MTPN: variants seen among roughly 807,000 people sequenced by gnomAD.
The protein encoded by MTPN is myotrophin.
Under a neutral mutation model 13.5 loss-of-function variants are expected in MTPN, and 2 were observed. The ratio of observed to expected loss-of-function variants is 0.15; its 90% confidence interval spans 0.06 to 0.47. The LOEUF is 0.47. Among genes scored for constraint, MTPN ranks in the 20% least tolerant of loss-of-function variants. The pLI is 0.97. For missense variants in MTPN, 79 were observed against 137.9 expected, an observed-to-expected ratio of 0.57 and a Z score of 2.14; for synonymous variants, 46 against 51.7, an observed-to-expected ratio of 0.89 and a Z score of 0.48.
chr7:135,932,668 G>C (rs1418615347), intron 3 of MTPN: 1 of 151,710 alleles, frequency 6.6e-6, no homozygotes, highest in African/African-American at 2.4e-5. Context: ...TCAGACAAAA[G>C]AAGCCTTAAG....
intron 1 of MTPN, among the ~76,000 whole-genome samples, chr7:135,953,735 G>T (rs1799399100): frequency 6.6e-6 from 1 of 152,082 alleles, no homozygotes; most frequent in Non-Finnish European, 1.5e-5. Context: ...CCAAATTCCA[G>T]CCCACATGTG....
chr7:135,965,166 T>C (rs926465836), intron 1 of MTPN, among the ~76,000 whole-genome samples: 1 of 152,116 alleles, frequency 6.6e-6, no homozygotes, highest in Non-Finnish European at 1.5e-5. Flanking sequence ...ATACAGACAA[T>C]AATACAAACA....
intron 1 of MTPN, among the ~76,000 whole-genome samples, chr7:135,967,469 G>A (rs957005459): frequency 6.6e-6 from 1 of 152,076 alleles, no homozygotes; most frequent in African/African-American, 2.4e-5. Context: ...ATGGTGTAGC[G>A]GAAAACCAAC....
At position 135,972,198 on chromosome 7, in the gene MTPN, TATAA is replaced by T. The variant is rs577069001; in HGVS notation, c.72+4827_72+4830del. Among the ~76,000 whole-genome samples the T allele has an allele frequency of 3.8e-3, 572 of 149,126 alleles. 5 individuals are homozygous for T. Among genetic ancestry groups the T allele is most frequent in the African/African-American group, 0.014 (541 of 39,752 alleles). ...CACTTTTAAAGCAAACTGATATGGT[TATAA>T]ATACACACGCGCACACGCGCACGCG... On this transcript the variant is annotated intron_variant, in intron 1 of 3. Transcript: ENST00000393085.
In MTPN at chr7:135,929,847, T is replaced by C. The variant is rs1157930343; in HGVS notation, c.*79A>G. 2 of 1,347,440 alleles carry C rather than the reference T, an allele frequency of 1.5e-6. No individual in the cohort carries two copies. The highest frequency in any genetic ancestry group is 1.4e-5 in the African/African-American group (1 of 69,744). 83.5% of individuals were successfully genotyped at this position (1,347,440 alleles called of 1,614,324 possible). A position where few individuals can be genotyped will look rare whatever the true frequency, so the allele number is the denominator to read the frequency against. ...GTATTTAGCTGAAGAAGCTGGCAGA[T>C]AGAGAGTGACAGACAGACAGGCAGC... On this transcript the variant is annotated 3_prime_UTR_variant, in exon 4 of 4. Coordinates refer to ENST00000393085, the MANE Select transcript of MTPN (RefSeq NM_145808.4).
At chr7:135,968,029 T>G (rs1799631992) in intron 1 of MTPN, among the ~76,000 whole-genome samples, 1 of 152,108 alleles carries the variant, frequency 6.6e-6, no homozygotes. Context: ...TGGGCTCAAG[T>G]GATAGATCCT....
intron 1 of MTPN, among the ~76,000 whole-genome samples, chr7:135,976,171 A>G (rs1799769910): frequency 6.6e-6 from 1 of 152,214 alleles, no homozygotes; most frequent in African/African-American, 2.4e-5. Flanking sequence ...CTAGCTTGGA[A>G]TTTTAAGTTT....
intron 3 of MTPN, 71 bp from the exon 4 acceptor site, chr7:135,930,083 A>G: frequency 7.7e-7 from 1 of 1,302,932 alleles, no homozygotes; most frequent in Non-Finnish European, 1.1e-6. Context: ...ACTAGCTCAC[A>G]TGGCACAGGT....
chr7:135,948,670 TG>T (rs1360587093), intron 3 of MTPN, among the ~76,000 whole-genome samples: 1 of 152,176 alleles, frequency 6.6e-6, no homozygotes, highest in Non-Finnish European at 1.5e-5. Flanking sequence ...CCTCATGTTT[TG>T]GGAATAAGGA....
rs906562259 is a variant in MTPN, at chr7:135,929,002, A to T, written c.*924T>A. 8 of 167,244 alleles carry T rather than the reference A, an allele frequency of 4.8e-5. No homozygotes were observed. Among genetic ancestry groups the T allele is most frequent in the Non-Finnish European group, 7.3e-5 (5 of 68,124 alleles). The allele number at this position is 167,244 out of a possible 1,614,324, so 10.4% of individuals were successfully genotyped here. On this transcript the variant is annotated 3_prime_UTR_variant, in exon 4 of 4. Transcript: ENST00000393085. ...AAGAATGTTCCTTAATTCTCAACACATAACCAAGGTCAATCCATTCAAACA... is the reference window on the plus strand; with the variant it reads ...AAGAATGTTCCTTAATTCTCAACACTTAACCAAGGTCAATCCATTCAAACA...
rs1210636684 is a variant in MTPN at position 135,953,852 on chromosome 7, AT to A, written c.73-2223del. ...AATCTAAGTTAAGACTACTTCAATA[AT>A]TCAAAGCAATAATTTCTAAATGATT... On this transcript the variant is annotated intron_variant, in intron 1 of 3. Transcript: ENST00000393085. Among the ~76,000 whole-genome samples, 5 of 152,356 alleles carry A rather than the reference AT, an allele frequency of 3.3e-5. No homozygotes were observed. The East Asian group carries it at 9.6e-4, about 29-fold the overall frequency.
At chr7:135,954,724 C>A (rs576008250) in intron 1 of MTPN, among the ~76,000 whole-genome samples, 1 of 152,214 alleles carries the variant, frequency 6.6e-6, no homozygotes, top group South Asian at 2.1e-4. Flanking sequence ...GGGAGGATCA[C>A]GAGGTCAGGA....
rs140181756 is a variant in MTPN, at chr7:135,929,903, G to A, written c.*23C>T. On this transcript the variant is annotated 3_prime_UTR_variant, in exon 4 of 4. Transcript: ENST00000393085. Reference sequence around the variant, plus strand: ...GAGGCCACAGGAGAGTCATTCTTCCGGAGTTATCAGTCCATCCATCCATCA... The same window carrying A: ...GAGGCCACAGGAGAGTCATTCTTCCAGAGTTATCAGTCCATCCATCCATCA... 134 of 1,610,652 alleles carry A rather than the reference G, an allele frequency of 8.3e-5. No individual in the cohort carries two copies. The East Asian group carries it at 1.8e-3, about 22-fold the overall frequency.
chr7:135,943,253 T>C (rs1799241199), intron 3 of MTPN, among the ~76,000 whole-genome samples: 3 of 152,220 alleles, frequency 2.0e-5, no homozygotes, highest in Admixed American at 2.0e-4. Context: ...TAACAAATAG[T>C]AATTCAAGTA....
At chr7:135,972,319 C>T (rs577440351) in intron 1 of MTPN, among the ~76,000 whole-genome samples, 1 of 152,138 alleles carries the variant, frequency 6.6e-6, no homozygotes, top group Non-Finnish European at 1.5e-5. Flanking sequence ...TAGTTTGTGA[C>T]CTTGTCAAGT....
chr7:135,948,287 A>G (rs1268591974), intron 3 of MTPN, among the ~76,000 whole-genome samples: 1 of 152,252 alleles, frequency 6.6e-6, no homozygotes, highest in Non-Finnish European at 1.5e-5. Context: ...TTGAAAAAGC[A>G]GAACTAAAAT....
At chr7:135,963,584 T>C (rs1268072722) in intron 1 of MTPN, among the ~76,000 whole-genome samples, 1 of 152,048 alleles carries the variant, frequency 6.6e-6, no homozygotes, top group African/African-American at 2.4e-5. Flanking sequence ...GACGAAAGTA[T>C]AACATCAACC....
At chr7:135,936,480 G>A (rs928261697) in intron 3 of MTPN, among the ~76,000 whole-genome samples, 3 of 152,098 alleles carry the variant, frequency 2.0e-5, no homozygotes, top group Non-Finnish European at 2.9e-5. Context: ...GTGAGACTCC[G>A]TCTCAAACAA....
chr7:135,947,986 A>C (rs977307644), intron 3 of MTPN, among the ~76,000 whole-genome samples: 1 of 152,204 alleles, frequency 6.6e-6, no homozygotes, highest in African/African-American at 2.4e-5. Flanking sequence ...AGGATAAATC[A>C]ACTGGATAAT....
Sources: allele counts gnomAD v4.1 joint callset (sites outside exome capture counted in the v4.1 genomes callset), GRCh38; gene constraint gnomAD v4.1.1; transcripts MANE v1.5; gene names NCBI Gene and HGNC (gene_info 2026-07-23, HGNC 2026-07-21).